NDUFS4: variants seen among roughly 807,000 people sequenced by gnomAD.
The protein encoded by NDUFS4 is NADH:ubiquinone oxidoreductase subunit S4.
In NDUFS4, 28 loss-of-function variants were observed where a neutral mutation model predicts 24.3. That is an observed-to-expected ratio of 1.15 (90% CI 0.85 to 1.58). The LOEUF (loss-of-function observed/expected upper bound fraction) is 1.58. Among genes scored for constraint, NDUFS4 ranks in the 40% most tolerant of loss-of-function variants. The pLI is 0.00. For missense variants in NDUFS4, 223 were observed against 207.9 expected (o/e 1.07, Z -0.45); for synonymous variants, 93 against 69.7 (o/e 1.34, Z -1.67).
At chr5:53,595,295 G>A (rs896278509) in intron 1 of NDUFS4, among the ~76,000 whole-genome samples, 3 of 151,970 alleles carry the variant, frequency 2.0e-5, no homozygotes, top group Admixed American at 6.6e-5. Context: ...ATTAGGATTT[G>A]TATTACTATT....
At chr5:53,654,454 A>C (rs1000658437) in intron 3 of NDUFS4, among the ~76,000 whole-genome samples, 4 of 152,002 alleles carry the variant, frequency 2.6e-5, no homozygotes, top group African/African-American at 9.7e-5. Flanking sequence ...TTGCTCAGCT[A>C]TTTGGCATTT....
chr5:53,572,957 G>GTTTTTTTTTTT (rs796960315), intron 1 of NDUFS4, among the ~76,000 whole-genome samples: 5 of 103,288 alleles, frequency 4.8e-5, no homozygotes, highest in African/African-American at 1.1e-4. Flanking sequence ...GTTGTTTTTT[G>GTTTTTTTTTTT]TTTTTTTTTT....
intron 4 of NDUFS4, among the ~76,000 whole-genome samples, chr5:53,680,185 T>G (rs550106193): frequency 2.6e-4 from 40 of 152,210 alleles, no homozygotes; most frequent in African/African-American, 9.6e-4. Context: ...TCCTTTAAGG[T>G]AATGTAAAAT....
chr5:53,612,349 G>C (rs1365572720), intron 2 of NDUFS4, among the ~76,000 whole-genome samples: 4 of 152,016 alleles, frequency 2.6e-5, no homozygotes, highest in African/African-American at 9.7e-5. Context: ...AGTATAGTTA[G>C]TTAGATATGC....
intron 2 of NDUFS4, among the ~76,000 whole-genome samples, chr5:53,631,881 A>C (rs143769693): frequency 6.6e-6 from 1 of 152,306 alleles, no homozygotes; most frequent in South Asian, 2.1e-4. Flanking sequence ...TGCGAAGACC[A>C]TGGGAAAAAG....
intron 1 of NDUFS4, among the ~76,000 whole-genome samples, chr5:53,575,973 A>C (rs1167931523): frequency 6.6e-6 from 1 of 152,248 alleles, no homozygotes; most frequent in Non-Finnish European, 1.5e-5. Flanking sequence ...GAAAATCATG[A>C]CTTTTATTTA....
At chr5:53,662,230 C>T (rs1034822007) in intron 4 of NDUFS4, among the ~76,000 whole-genome samples, 8 of 152,142 alleles carry the variant, frequency 5.3e-5, no homozygotes, top group Admixed American at 2.6e-4. Context: ...TTGTCAAAGG[C>T]CTTTTCTGCA....
intron 2 of NDUFS4, among the ~76,000 whole-genome samples, chr5:53,613,498 A>T (rs1171273529): frequency 6.6e-6 from 1 of 151,988 alleles, no homozygotes; most frequent in Non-Finnish European, 1.5e-5. Flanking sequence ...ATCCTACAAA[A>T]TGCCTATTTT....
chr5:53,673,958 G>A (rs913413173), intron 4 of NDUFS4, among the ~76,000 whole-genome samples: 1 of 152,098 alleles, frequency 6.6e-6, no homozygotes, highest in African/African-American at 2.4e-5. Flanking sequence ...ATGAAAATAA[G>A]TAGCAAGAGT....
chr5:53,672,055 G>A (rs1740280007), intron 4 of NDUFS4, among the ~76,000 whole-genome samples: 2 of 152,072 alleles, frequency 1.3e-5, no homozygotes, highest in South Asian at 4.1e-4. Flanking sequence ...TAGAAGCACG[G>A]AAGGAAACAG....
chr5:53,605,110 A>G (rs1289716588), intron 2 of NDUFS4, among the ~76,000 whole-genome samples: 1 of 152,086 alleles, frequency 6.6e-6, no homozygotes, highest in African/African-American at 2.4e-5. Flanking sequence ...AATCTCAGCT[A>G]CTCAGGAGGC....
At chr5:53,645,068 A>T (rs1438516271) in intron 2 of NDUFS4, among the ~76,000 whole-genome samples, 1 of 152,156 alleles carries the variant, frequency 6.6e-6, no homozygotes, top group Non-Finnish European at 1.5e-5. Flanking sequence ...GGTGTGTATT[A>T]TAATGACATA....
intron 2 of NDUFS4, among the ~76,000 whole-genome samples, chr5:53,622,971 T>C (rs1317839753): frequency 1.3e-5 from 2 of 152,216 alleles, no homozygotes; most frequent in Non-Finnish European, 2.9e-5. Flanking sequence ...TTAAAGGCTC[T>C]ACATAATAGT....
intron 4 of NDUFS4, among the ~76,000 whole-genome samples, chr5:53,674,443 G>C (rs1740391263): frequency 6.6e-6 from 1 of 152,170 alleles, no homozygotes; most frequent in South Asian, 2.1e-4. Context: ...TTCTTCAAAT[G>C]CCAAGGTGCC....
intron 2 of NDUFS4, among the ~76,000 whole-genome samples, chr5:53,631,096 G>T (rs540530017): frequency 1.3e-5 from 2 of 152,210 alleles, no homozygotes; most frequent in South Asian, 4.1e-4. Context: ...GATGTTGATG[G>T]TATTCCTTTC....
At chr5:53,664,815 C>T (rs562372771) in intron 4 of NDUFS4, among the ~76,000 whole-genome samples, 41 of 152,180 alleles carry the variant, frequency 2.7e-4, no homozygotes, top group African/African-American at 9.6e-4. Flanking sequence ...TCGTCTGAAG[C>T]CTTCTGTCAA....
chr5:53,577,649 T>C (rs1009295022), intron 1 of NDUFS4, among the ~76,000 whole-genome samples: 6 of 152,198 alleles, frequency 3.9e-5, no homozygotes, highest in Admixed American at 2.0e-4. Flanking sequence ...TTCCCAGGGT[T>C]GTAAAAGAAT....
At position 53,613,945 on chromosome 5, in the gene NDUFS4, T is replaced by C. The variant is rs142590186; in HGVS notation, c.177+10415T>C. 6.8e-4 allele frequency among the ~76,000 whole-genome samples: 104 copies of C among 152,140 alleles called. 2 individuals carry two copies. In the East Asian group the frequency reaches 0.017, roughly 25 times the overall value. ...GTAAGTTAATCAGTAAATAATCATA[T>C]AAAAAGTGATTGCTTTACATGTTTG... On this transcript the variant is annotated intron_variant, in intron 2 of 4. Coordinates refer to ENST00000296684, the MANE Select transcript of NDUFS4 (RefSeq NM_002495.4).
intron 2 of NDUFS4, among the ~76,000 whole-genome samples, chr5:53,609,159 C>T (rs1391018291): frequency 6.6e-6 from 1 of 152,298 alleles, no homozygotes; most frequent in East Asian, 1.9e-4. Flanking sequence ...ATGGGGAATC[C>T]TTTCCGGAAG....
Sources: gnomAD v4.1 joint callset for allele counts (sites outside exome capture counted in the v4.1 genomes callset) on GRCh38, gnomAD v4.1.1 for gene constraint, MANE v1.5 for transcripts, NCBI Gene and HGNC (gene_info 2026-07-23, HGNC 2026-07-21) for gene names.